BCKDHB: variants seen among roughly 807,000 people sequenced by gnomAD.
BCKDHB encodes branched chain keto acid dehydrogenase E1 subunit beta, also known as 2-oxoisovalerate dehydrogenase subunit beta, mitochondrial.
BCKDHB carries 41 observed loss-of-function variants against 48.5 expected under a neutral mutation model. The observed-to-expected ratio is 0.85, with a 90% CI of 0.66 to 1.10. The LOEUF is 1.10. BCKDHB is among the 50% of genes least tolerant of loss of function. The probability of loss-of-function intolerance (pLI) is 0.00; values close to 1 mark genes in which losing one functional copy is unlikely to be tolerated. For synonymous variants in BCKDHB, 201 were observed against 174.8 expected (o/e 1.15, Z -1.18); for missense variants, 496 against 494.2 (o/e 1.00, Z -0.03).
chr6:80,391,486 A>G, the BCKDHB span, among the ~76,000 whole-genome samples: 1 of 152,190 alleles, frequency 6.6e-6, no homozygotes, highest in Non-Finnish European at 1.5e-5. Flanking sequence ...TGATGCAACT[A>G]TAAACCAAGG....
At chr6:80,307,772 C>A in intron 9 of BCKDHB, 1 of 984,456 alleles carries the variant, frequency 1.0e-6, no homozygotes, top group Non-Finnish European at 1.2e-6. Flanking sequence ...GAAGCACACA[C>A]TTCATAATGG....
chr6:80,181,720 C>T lies in BCKDHB; in HGVS notation c.742+10330C>T, dbSNP rs561160013. Among the ~76,000 whole-genome samples the T allele has an allele frequency of 1.3e-4, 20 of 152,318 alleles. No individual in the cohort carries two copies. In the South Asian group the frequency reaches 3.7e-3, roughly 28 times the overall value. On this transcript the variant is annotated intron_variant, in intron 6 of 9. Transcript: ENST00000320393. The stretch of plus-strand genomic sequence containing the variant: ...CCTTGAAGCATAGGCTTGGAGTTGA[C>T]ATACTGTCACTTCTGCCATAGTATG...
chr6:80,196,492 C>T (rs1348455443), intron 6 of BCKDHB, among the ~76,000 whole-genome samples: 1 of 152,174 alleles, frequency 6.6e-6, no homozygotes, highest in Non-Finnish European at 1.5e-5. Flanking sequence ...GCTTATAAAT[C>T]TATTTCCATC....
intron 1 of BCKDHB, among the ~76,000 whole-genome samples, chr6:80,111,231 G>A (rs1582157604): frequency 6.6e-6 from 1 of 152,204 alleles, no homozygotes; most frequent in Non-Finnish European, 1.5e-5. Context: ...GTATTGAAAA[G>A]AAACTGAATT....
At chr6:80,222,409 G>C (rs1241050434) in intron 8 of BCKDHB, among the ~76,000 whole-genome samples, 1 of 152,162 alleles carries the variant, frequency 6.6e-6, no homozygotes, top group Non-Finnish European at 1.5e-5. Flanking sequence ...ACGATTACTA[G>C]AAAGATACCT....
chr6:80,396,606 TC>T, the BCKDHB span, among the ~76,000 whole-genome samples: 1 of 152,214 alleles, frequency 6.6e-6, no homozygotes, highest in Non-Finnish European at 1.5e-5. Flanking sequence ...TTTCCATAAT[TC>T]CCACATTTCT....
chr6:80,163,164 G>A (rs1582263506), intron 3 of BCKDHB, among the ~76,000 whole-genome samples: 1 of 151,886 alleles, frequency 6.6e-6, no homozygotes, highest in South Asian at 2.1e-4. Context: ...GTGATTCTCC[G>A]AAAGTGGTGG....
chr6:80,229,571 C>T (rs1016316279), intron 8 of BCKDHB, among the ~76,000 whole-genome samples: 1 of 151,628 alleles, frequency 6.6e-6, no homozygotes. Context: ...CAACATTATG[C>T]TGGAGAGTCT....
the BCKDHB span, among the ~76,000 whole-genome samples, chr6:80,369,358 A>G: frequency 2.0e-5 from 3 of 152,196 alleles, no homozygotes; most frequent in African/African-American, 7.2e-5. Context: ...TTGTGTTGTT[A>G]TTCTCGCATT....
At chr6:80,431,559 C>T in the BCKDHB span, among the ~76,000 whole-genome samples, 2 of 152,302 alleles carry the variant, frequency 1.3e-5, no homozygotes, top group South Asian at 4.1e-4. Flanking sequence ...AAATTGCTCC[C>T]TTTACCATTA....
At chr6:80,373,104 A>G in the BCKDHB span, among the ~76,000 whole-genome samples, 1 of 151,874 alleles carries the variant, frequency 6.6e-6, no homozygotes, top group Non-Finnish European at 1.5e-5. Context: ...TGGTAACTCA[A>G]ATTACCATTT....
intron 8 of BCKDHB, among the ~76,000 whole-genome samples, chr6:80,250,091 A>T (rs1776773874): frequency 6.6e-6 from 1 of 152,088 alleles, no homozygotes; most frequent in Non-Finnish European, 1.5e-5. Flanking sequence ...GCAGCCTCAG[A>T]GAGTAGTTAG....
At chr6:80,434,324 T>C in the BCKDHB span, among the ~76,000 whole-genome samples, 2 of 151,594 alleles carry the variant, frequency 1.3e-5, no homozygotes, top group Admixed American at 1.3e-4. Context: ...ATTATTTTAA[T>C]AATAGTTTTC....
chr6:80,272,747 T>C (rs576512334), intron 8 of BCKDHB, among the ~76,000 whole-genome samples: 2 of 152,192 alleles, frequency 1.3e-5, no homozygotes, highest in Non-Finnish European at 2.9e-5. Flanking sequence ...TTGTTATTTA[T>C]GTGCAAACAA....
At chr6:80,127,018 A>G (rs1770377966) in intron 1 of BCKDHB, among the ~76,000 whole-genome samples, 1 of 152,172 alleles carries the variant, frequency 6.6e-6, no homozygotes, top group African/African-American at 2.4e-5. Context: ...ATAAGACAAT[A>G]AGAAGGACTA....
At chr6:80,305,462 CTG>C (rs1417644026) in intron 9 of BCKDHB, among the ~76,000 whole-genome samples, 1 of 151,804 alleles carries the variant, frequency 6.6e-6, no homozygotes, top group African/African-American at 2.4e-5. Context: ...TTTTAAAAGA[CTG>C]TATTCATAGC....
chr6:80,146,405 T>C (rs1771490722), intron 3 of BCKDHB, among the ~76,000 whole-genome samples: 1 of 152,008 alleles, frequency 6.6e-6, no homozygotes, highest in Non-Finnish European at 1.5e-5. Flanking sequence ...GCATTGAGAG[T>C]TTTGATAGAA....
chr6:80,395,511 A>G, the BCKDHB span, among the ~76,000 whole-genome samples: 2 of 152,200 alleles, frequency 1.3e-5, no homozygotes, highest in African/African-American at 2.4e-5. Context: ...AATTTGAGAA[A>G]GATGATTTAG....
At chr6:80,166,398 G>A (rs555530494) in intron 3 of BCKDHB, among the ~76,000 whole-genome samples, 5 of 152,242 alleles carry the variant, frequency 3.3e-5, no homozygotes, top group African/African-American at 1.2e-4. Context: ...GCTCATGCCT[G>A]TAATCCCAGC....
Sources: allele counts gnomAD v4.1 joint callset (sites outside exome capture counted in the v4.1 genomes callset), GRCh38; gene constraint gnomAD v4.1.1; transcripts MANE v1.5; gene names NCBI Gene and HGNC (gene_info 2026-07-23, HGNC 2026-07-21).